CD96: variants seen among roughly 807,000 people sequenced by gnomAD.
The protein encoded by CD96 is CD96 molecule.
In CD96, 70 loss-of-function variants were observed where a neutral mutation model predicts 71.3. The observed-to-expected ratio is 0.98, with a 90% CI of 0.81 to 1.20. The LOEUF (loss-of-function observed/expected upper bound fraction) is 1.20. Ranked by LOEUF, CD96 falls within the 50% of genes most tolerant of loss-of-function variation. The probability of loss-of-function intolerance (pLI) is 0.00; values close to 1 mark genes in which losing one functional copy is unlikely to be tolerated. For missense variants in CD96, 742 were observed against 677.5 expected (o/e 1.10, Z -1.06); for synonymous variants, 248 against 233.0 (o/e 1.06, Z -0.59).
At chr3:111,577,656 A>C in intron 3 of CD96, 1 of 824,052 alleles carries the variant, frequency 1.2e-6, no homozygotes, top group East Asian at 2.4e-5. Context: ...AGCCAGATTC[A>C]GCTAAAGAAC....
rs1229172395 is a variant in CD96 at position 111,542,263 on chromosome 3, G to A, written c.15G>A (p.Trp5Ter). 4.3e-6 allele frequency: 7 copies of A among 1,613,380 alleles called. No individual in the cohort carries two copies. In the South Asian group the frequency reaches 7.7e-5, roughly 18 times the overall value. ...TTCAGAAGACAATGGAGAAAAAATG[G>A]AAATACTGTGCTGTCTATTACATCA... The part of the protein sequence containing the change: MEKK[W>*]KYCAVYYIIQ... The change falls in exon 1 of 14, where the codon TGG (tryptophan) becomes TGA (stop). Residue 5 changes from tryptophan to a stop codon, truncating the protein, a stop_gained. Transcript: ENST00000352690. LOFTEE classifies it high-confidence loss of function.
At chr3:111,544,232 C>T (rs922560885) in intron 1 of CD96, among the ~76,000 whole-genome samples, 1 of 152,122 alleles carries the variant, frequency 6.6e-6, no homozygotes, top group Non-Finnish European at 1.5e-5. Context: ...GTAATCTCCG[C>T]CTCCCAGGTT....
At chr3:111,562,825 A>G (rs1935521983) in intron 2 of CD96, among the ~76,000 whole-genome samples, 1 of 152,184 alleles carries the variant, frequency 6.6e-6, no homozygotes, top group Non-Finnish European at 1.5e-5. Flanking sequence ...TGAAGTCTTT[A>G]TCTTAGCCAT....
chr3:111,567,588 C>T lies in CD96; in HGVS notation c.484C>T (p.Pro162Ser). ...EIEINQTLEI[P>S]CFQNSSSKIS... is the part of the protein sequence containing the mutation. ...AGAGATAAATCAGACTCTGGAAATA[C>T]CATGCTTTCAAAATAGCTCCTCAAA... Residue 162 changes from proline (P) to serine (S), a missense_variant, in exon 3 of 14, where the codon CCA (proline) becomes TCA (serine). Transcript: ENST00000352690. 1 of 1,608,714 alleles carries T rather than the reference C, an allele frequency of 6.2e-7. No individual in the cohort carries two copies. The highest frequency in any genetic ancestry group is 8.5e-7 in the Non-Finnish European group (1 of 1,175,156).
chr3:111,561,979 C>CT (rs1935454381), intron 2 of CD96, among the ~76,000 whole-genome samples: 1 of 151,732 alleles, frequency 6.6e-6, no homozygotes, highest in Non-Finnish European at 1.5e-5. Context: ...TTTCCAGGTG[C>CT]GTCCGTCACC....
chr3:111,662,266 C>T (rs1372214531), intron 14 of CD96, among the ~76,000 whole-genome samples: 1 of 152,208 alleles, frequency 6.6e-6, no homozygotes, highest in Non-Finnish European at 1.5e-5. Context: ...AACCATTTTT[C>T]CCTCTTAGTC....
chr3:111,648,421 A>G (rs1576434709), intron 13 of CD96, among the ~76,000 whole-genome samples: 1 of 152,172 alleles, frequency 6.6e-6, no homozygotes, highest in East Asian at 1.9e-4. Context: ...GTAACCACAT[A>G]CAGGGAGTGG....
intron 4 of CD96, among the ~76,000 whole-genome samples, chr3:111,581,449 A>G (rs968929986): frequency 9.2e-5 from 14 of 152,220 alleles, no homozygotes; most frequent in African/African-American, 3.4e-4. Flanking sequence ...AATATATATC[A>G]GATCTATTCC....
chr3:111,628,537 G>A (rs1268146642), intron 10 of CD96, among the ~76,000 whole-genome samples: 3 of 152,206 alleles, frequency 2.0e-5, no homozygotes, highest in Non-Finnish European at 2.9e-5. Flanking sequence ...CAATGAGACT[G>A]AATCTATGAC....
At chr3:111,620,070 C>T (rs1413270849) in intron 8 of CD96, among the ~76,000 whole-genome samples, 1 of 152,250 alleles carries the variant, frequency 6.6e-6, no homozygotes, top group Non-Finnish European at 1.5e-5. Context: ...TGTGAGACCA[C>T]ACACTGGGCT....
intron 8 of CD96, among the ~76,000 whole-genome samples, chr3:111,621,688 C>T (rs773523087): frequency 2.0e-5 from 3 of 152,186 alleles, no homozygotes; most frequent in Non-Finnish European, 2.9e-5. Flanking sequence ...CACAGCCGCT[C>T]TTAATGCAGA....
At chr3:111,586,514 T>TC (rs1296782076) in intron 5 of CD96, among the ~76,000 whole-genome samples, 1 of 152,210 alleles carries the variant, frequency 6.6e-6, no homozygotes, top group Non-Finnish European at 1.5e-5. Context: ...TAGTCCATTT[T>TC]CATGCTGCCA....
intron 5 of CD96, among the ~76,000 whole-genome samples, chr3:111,591,371 T>TCCAA (rs1936976177): frequency 2.3e-5 from 2 of 88,108 alleles, no homozygotes; most frequent in African/African-American, 4.6e-5. Flanking sequence ...GACTCCATCT[T>TCCAA]AAAAAAAAAA....
At chr3:111,573,994 G>A (rs1936107300) in intron 3 of CD96, among the ~76,000 whole-genome samples, 1 of 152,200 alleles carries the variant, frequency 6.6e-6, no homozygotes, top group Non-Finnish European at 1.5e-5. Flanking sequence ...ATGGATGTGG[G>A]GAGCTTTGCA....
rs141843779 is a variant in CD96 at position 111,554,983 on chromosome 3, C to T, written c.418+9581C>T. Among the ~76,000 whole-genome samples, 654 of 152,012 alleles carry T rather than the reference C, an allele frequency of 4.3e-3. 2 individuals are homozygous for T. The highest frequency in any genetic ancestry group is 7.8e-3 in the Non-Finnish European group (532 of 67,966). On this transcript the variant is annotated intron_variant, in intron 2 of 13. Transcript: ENST00000352690. ...CAAATGTGTAATTCACAATAGAGTT[C>T]GCACTCCTATGAAAATCTAATGCAG...
chr3:111,588,519 G>A (rs1322630128), intron 5 of CD96, among the ~76,000 whole-genome samples: 1 of 152,168 alleles, frequency 6.6e-6, no homozygotes, highest in Non-Finnish European at 1.5e-5. Context: ...CTGTTACCCA[G>A]TTCCAAAGTT....
chr3:111,612,803 A>G, intron 8 of CD96: 1 of 916,248 alleles, frequency 1.1e-6, no homozygotes, highest in Non-Finnish European at 1.3e-6. Flanking sequence ...CTATGCTTAT[A>G]TTAATCTCTC....
chr3:111,655,798 C>T (rs888452162), downstream of CD96, among the ~76,000 whole-genome samples: 1 of 151,940 alleles, frequency 6.6e-6, no homozygotes, highest in Non-Finnish European at 1.5e-5. Context: ...ATTTTCTTAA[C>T]TACATATATA....
chr3:111,627,448 C>T (rs1477572787), intron 10 of CD96, among the ~76,000 whole-genome samples: 2 of 152,182 alleles, frequency 1.3e-5, no homozygotes, highest in Admixed American at 6.5e-5. Context: ...GGAGGGTCCT[C>T]CCAGCCAGGG....
Sources: gnomAD v4.1 joint callset for allele counts (sites outside exome capture counted in the v4.1 genomes callset) on GRCh38, gnomAD v4.1.1 for gene constraint, MANE v1.5 for transcripts, NCBI Gene and HGNC (gene_info 2026-07-23, HGNC 2026-07-21) for gene names.